The following NNT variants were observed in gnomAD, a reference collection of about 807,000 sequenced individuals.
NNT encodes the protein NAD(P) transhydrogenase, mitochondrial.
In NNT, 50 loss-of-function variants were observed where a neutral mutation model predicts 104.8. The ratio of observed to expected loss-of-function variants is 0.48; its 90% CI spans 0.38 to 0.60. NNT has a LOEUF of 0.60. Among genes scored for constraint, NNT ranks in the 20% least tolerant of loss-of-function variants. NNT has a pLI of 0.00. For missense variants in NNT, 1,131 were observed against 1,330.7 expected, an observed-to-expected ratio of 0.85 and a Z score of 2.33; for synonymous variants, 461 against 490.4, an observed-to-expected ratio of 0.94 and a Z score of 0.79.
chr5:43,631,283 G>C (rs992856091), intron 7 of NNT, among the ~76,000 whole-genome samples: 1 of 152,176 alleles, frequency 6.6e-6, no homozygotes, highest in Non-Finnish European at 1.5e-5. Flanking sequence ...CCGGACCCAG[G>C]ATAGTGTTTG....
chr5:43,655,898 TCA>T lies in NNT; in HGVS notation c.2121_2122del (p.His707GlnfsTer14). The T allele has an allele frequency of 6.2e-7, 1 of 1,614,276 alleles. No individual in the cohort carries two copies. The highest frequency in any genetic ancestry group is 8.5e-7 in the Non-Finnish European group (1 of 1,180,056). ...SDLPQLVAAF[H>X]SLVGLAAVLT... ...ATTTACCTCAATTAGTTGCTGCTTT[TCA>T]CAGTTTAGTGGGTTTGGCAGCTGTA... On this transcript the variant is annotated frameshift_variant, in exon 15 of 22. Coordinates refer to ENST00000344920, the MANE Select transcript of NNT (RefSeq NM_182977.3). LOFTEE classifies it high-confidence loss of function.
intron 7 of NNT, among the ~76,000 whole-genome samples, chr5:43,641,329 C>A (rs1379532955): frequency 6.6e-6 from 1 of 151,678 alleles, no homozygotes; most frequent in Non-Finnish European, 1.5e-5. Flanking sequence ...TCTGCACTTT[C>A]CAGAATTTTC....
At chr5:43,638,206 G>A (rs1472917575) in intron 7 of NNT, among the ~76,000 whole-genome samples, 1 of 152,100 alleles carries the variant, frequency 6.6e-6, no homozygotes, top group Non-Finnish European at 1.5e-5. Flanking sequence ...AGTCTCCCCA[G>A]CCTTGCAGAA....
intron 7 of NNT, 34 bp downstream of exon 7, chr5:43,628,421 A>G (rs752195512): frequency 6.8e-7 from 1 of 1,473,898 alleles, no homozygotes; most frequent in Admixed American, 2.4e-5. Flanking sequence ...TTTTAAAAGC[A>G]CTTTTACTCT....
chr5:43,628,390 A>G lies in NNT; in HGVS notation c.964+3A>G. 1 of 1,580,946 alleles carries G rather than the reference A, an allele frequency of 6.3e-7. No individual in the cohort carries two copies. ...TATCAGCACAGCACTTATTCCAGGT[A>G]TGCCATTAAGTAAACGGTTATTTTA... On this transcript the variant is annotated splice_donor_region_variant and intron_variant, in intron 7 of 21. Transcript: ENST00000344920.
chr5:43,655,913 T>G lies in NNT; in HGVS notation c.2133T>G (p.Gly711=), dbSNP rs373432420. 60 of 1,614,092 alleles carry G rather than the reference T, an allele frequency of 3.7e-5. No homozygotes were observed. Among genetic ancestry groups the G allele is most frequent in the Non-Finnish European group, 4.7e-5 (56 of 1,180,048 alleles). ...TTGCTGCTTTTCACAGTTTAGTGGGTTTGGCAGCTGTACTTACTTGCATAG... is the reference window on the plus strand; with the variant it reads ...TTGCTGCTTTTCACAGTTTAGTGGGGTTGGCAGCTGTACTTACTTGCATAG... ...QLVAAFHSLV[G]LAAVLTCIAE... is the part of the protein sequence containing the mutation. Residue 711 remains glycine (G), a synonymous_variant, in exon 15 of 22, where the codon GGT becomes GGG. Coordinates refer to ENST00000344920, the MANE Select transcript of NNT (RefSeq NM_182977.3).
At chr5:43,612,721 A>G (rs1749561534) in intron 2 of NNT, among the ~76,000 whole-genome samples, 187 bp from the exon 3 acceptor site, 1 of 152,224 alleles carries the variant, frequency 6.6e-6, no homozygotes, top group African/African-American at 2.4e-5. Context: ...AAAGTTTCTT[A>G]TAATCTACCA....
chr5:43,685,404 G>A (rs1487576729), intron 19 of NNT, among the ~76,000 whole-genome samples: 1 of 152,080 alleles, frequency 6.6e-6, no homozygotes, highest in Non-Finnish European at 1.5e-5. Flanking sequence ...GAAAGTAACT[G>A]AACATTTGGA....
intron 16 of NNT, 148 bp from the exon 17 acceptor site, chr5:43,659,023 C>T: frequency 3.1e-6 from 2 of 655,692 alleles, no homozygotes; most frequent in Admixed American, 3.5e-5. Context: ...AAGTGTTGGT[C>T]AGATGGGAGA....
chr5:43,609,715 G>C (rs1365364596), intron 2 of NNT, among the ~76,000 whole-genome samples: 1 of 152,170 alleles, frequency 6.6e-6, no homozygotes, highest in African/African-American at 2.4e-5. Flanking sequence ...TAGGAATTAA[G>C]TATATTAATT....
intron 18 of NNT, among the ~76,000 whole-genome samples, chr5:43,676,525 T>C (rs948612465): frequency 2.0e-5 from 3 of 152,180 alleles, no homozygotes; most frequent in African/African-American, 7.2e-5. Flanking sequence ...GGGTTTTTGG[T>C]TGTCCAAAGA....
chr5:43,702,331 A>T (rs1742889477), intron 20 of NNT, among the ~76,000 whole-genome samples: 2 of 152,204 alleles, frequency 1.3e-5, no homozygotes, highest in South Asian at 4.1e-4. Context: ...AGATCATAAA[A>T]GTTATAGAGT....
At chr5:43,663,632 G>A (rs1413710693) in intron 17 of NNT, among the ~76,000 whole-genome samples, 4 of 152,064 alleles carry the variant, frequency 2.6e-5, no homozygotes, top group Admixed American at 2.0e-4. Context: ...TAGGTAGATC[G>A]GTATAATCAT....
At chr5:43,695,034 T>C (rs2112219034) in intron 19 of NNT, among the ~76,000 whole-genome samples, 1 of 152,314 alleles carries the variant, frequency 6.6e-6, no homozygotes. Context: ...TGGGACGGTG[T>C]ATGTGTCCAG....
chr5:43,696,631 G>T (rs575032054), intron 19 of NNT, among the ~76,000 whole-genome samples: 10 of 152,306 alleles, frequency 6.6e-5, no homozygotes, highest in Non-Finnish European at 1.2e-4. Flanking sequence ...CTCTGTGAGG[G>T]CCCCACCCCC....
At chr5:43,698,324 C>T (rs1429818086) in intron 19 of NNT, among the ~76,000 whole-genome samples, 1 of 151,924 alleles carries the variant, frequency 6.6e-6, no homozygotes, top group Non-Finnish European at 1.5e-5. Flanking sequence ...GTGGGGTCTG[C>T]ACATTCTTAC....
chr5:43,617,502 A>G (rs1242498047), intron 4 of NNT, among the ~76,000 whole-genome samples: 2 of 152,164 alleles, frequency 1.3e-5, no homozygotes, highest in Non-Finnish European at 2.9e-5. Flanking sequence ...TGTGAAAGGA[A>G]TCATCTAGTA....
chr5:43,654,807 T>C (rs962674050), intron 14 of NNT, among the ~76,000 whole-genome samples: 2 of 152,252 alleles, frequency 1.3e-5, no homozygotes, highest in Non-Finnish European at 2.9e-5. Flanking sequence ...TGTTTCCCAG[T>C]GGAACACTGG....
chr5:43,677,830 T>C, intron 19 of NNT, 24 bp downstream of exon 19: 2 of 1,558,804 alleles, frequency 1.3e-6, no homozygotes, highest in Non-Finnish European at 8.9e-7. Flanking sequence ...GTGGAGAGGC[T>C]TGCACTATGT....
Sources: gnomAD v4.1 joint callset for allele counts (sites outside exome capture counted in the v4.1 genomes callset) on GRCh38, gnomAD v4.1.1 for gene constraint, MANE v1.5 for transcripts, NCBI Gene and HGNC (gene_info 2026-07-23, HGNC 2026-07-21) for gene names.